NEDD4L: variants seen among roughly 807,000 people sequenced by gnomAD.
The protein encoded by NEDD4L is E3 ubiquitin-protein ligase NEDD4-like.
In NEDD4L, 54 loss-of-function variants were observed where a neutral mutation model predicts 148.9. The ratio of observed to expected loss-of-function variants is 0.36; its 90% CI spans 0.29 to 0.45. The LOEUF (loss-of-function observed/expected upper bound fraction) is 0.45, where lower values mean the gene tolerates loss of function less well. Ranked by LOEUF, NEDD4L falls within the 20% of genes least tolerant of loss-of-function variation. The probability of loss-of-function intolerance (pLI) is 1.00; values close to 1 mark genes in which losing one functional copy is unlikely to be tolerated. For missense variants in NEDD4L, 856 were observed against 1,233.8 expected (o/e 0.69, Z 4.59); for synonymous variants, 433 against 440.7 (o/e 0.98, Z 0.22).
intron 5 of NEDD4L, among the ~76,000 whole-genome samples, chr18:58,258,241 A>T (rs1384416839): frequency 6.6e-6 from 1 of 152,146 alleles, no homozygotes; most frequent in East Asian, 1.9e-4. Context: ...CAGTGTTTTG[A>T]TATTATAGTA....
chr18:58,245,437 G>C lies in NEDD4L; in HGVS notation c.133G>C (p.Val45Leu), dbSNP rs367741894. 6.5e-7 allele frequency: 1 copy of C among 1,540,718 alleles called. No homozygotes were observed. Among genetic ancestry groups the C allele is most frequent in the Non-Finnish European group, 8.9e-7 (1 of 1,124,212 alleles). Residue 45 changes from valine to leucine, a missense_variant, in exon 3 of 31, where the codon GTG (valine) becomes CTG (leucine). Physicochemically the swap from Val to Leu is conservative, Grantham distance 32. Transcript: ENST00000400345. The part of the protein sequence containing the change: ...KDIFGASDPY[V>L]KLSLYVADEN... Reference sequence around the variant, plus strand: ...AATATTTTCTTACAGTGATCCGTATGTGAAACTTTCATTGTACGTAGCGGA... The same window carrying C: ...AATATTTTCTTACAGTGATCCGTATCTGAAACTTTCATTGTACGTAGCGGA...
At chr18:58,395,678 C>G (rs2050401305) in intron 30 of NEDD4L, among the ~76,000 whole-genome samples, 1 of 152,164 alleles carries the variant, frequency 6.6e-6, no homozygotes, top group Non-Finnish European at 1.5e-5. Context: ...GAACCTTGCC[C>G]TATGTCTCTG....
intron 1 of NEDD4L, among the ~76,000 whole-genome samples, chr18:58,114,991 T>G (rs1175033425): frequency 5.3e-5 from 8 of 152,206 alleles, no homozygotes; most frequent in Non-Finnish European, 1.2e-4. Flanking sequence ...GTCTGCTGAT[T>G]AGCAACTTTA....
chr18:58,131,366 T>A (rs958127334), intron 1 of NEDD4L, among the ~76,000 whole-genome samples: 1 of 147,474 alleles, frequency 6.8e-6, no homozygotes, highest in Admixed American at 6.7e-5. Context: ...GTGGTGGTGT[T>A]GGGCTCTGTT....
intron 1 of NEDD4L, among the ~76,000 whole-genome samples, chr18:58,094,621 C>T (rs1219663838): frequency 6.6e-6 from 1 of 152,182 alleles, no homozygotes. Context: ...TGCTCAGCCC[C>T]GTGGACTGTG....
intron 1 of NEDD4L, among the ~76,000 whole-genome samples, chr18:58,126,434 C>G (rs933429719): frequency 6.6e-6 from 1 of 152,102 alleles, no homozygotes; most frequent in South Asian, 2.1e-4. Context: ...GTTTCCACGG[C>G]CCATCCCGTG....
chr18:58,395,220 G>A (rs745468679), intron 30 of NEDD4L, among the ~76,000 whole-genome samples: 2 of 152,168 alleles, frequency 1.3e-5, no homozygotes, highest in Non-Finnish European at 2.9e-5. Context: ...ATACACATCA[G>A]CAATCACCCC....
chr18:58,330,015 G>T (rs1034820107), intron 10 of NEDD4L, among the ~76,000 whole-genome samples: 1 of 152,116 alleles, frequency 6.6e-6, no homozygotes, highest in African/African-American at 2.4e-5. Flanking sequence ...AAATTTAGGT[G>T]AACAGAAATG....
intron 1 of NEDD4L, among the ~76,000 whole-genome samples, chr18:58,066,199 G>A (rs989683999): frequency 1.3e-5 from 2 of 152,016 alleles, no homozygotes; most frequent in African/African-American, 4.8e-5. Context: ...ACATGTTTTG[G>A]GTAAACCGTT....
intron 16 of NEDD4L, among the ~76,000 whole-genome samples, chr18:58,348,512 A>G (rs147795170): frequency 0.053 from 8,082 of 151,528 alleles, 734 homozygotes; most frequent in African/African-American, 0.19. Flanking sequence ...TATTTTTAGT[A>G]GGAACGGAGT....
intron 1 of NEDD4L, among the ~76,000 whole-genome samples, chr18:58,162,749 A>G (rs960698106): frequency 1.3e-5 from 2 of 151,938 alleles, no homozygotes; most frequent in African/African-American, 2.4e-5. Context: ...CAGGTTCTCT[A>G]TGCATTAAAA....
chr18:58,351,181 G>C (rs1471610171), intron 18 of NEDD4L, 136 bp downstream of exon 18: 25 of 1,505,036 alleles, frequency 1.7e-5, no homozygotes, highest in Non-Finnish European at 2.2e-5. Context: ...TGATACCAGA[G>C]AATCAGTGCC....
intron 1 of NEDD4L, among the ~76,000 whole-genome samples, chr18:58,115,182 T>C (rs2085722289): frequency 6.6e-6 from 1 of 152,134 alleles, no homozygotes; most frequent in African/African-American, 2.4e-5. Context: ...CCGACTCCTA[T>C]TGGTATTTGC....
At chr18:58,079,990 C>T (rs966388808) in intron 1 of NEDD4L, among the ~76,000 whole-genome samples, 3 of 152,140 alleles carry the variant, frequency 2.0e-5, no homozygotes, top group South Asian at 4.1e-4. Context: ...GGCAGTGGCA[C>T]GATCATGGCT....
chr18:58,159,606 G>A lies in NEDD4L; in HGVS notation c.49-6182G>A, dbSNP rs566126885. Among the ~76,000 whole-genome samples, 64 of 152,334 alleles carry A rather than the reference G, an allele frequency of 4.2e-4. 1 individual carries two copies. In the East Asian group the frequency reaches 0.011, roughly 27 times the overall value. ...ATCCTGTCTCAGGACTGGGGCAAGA[G>A]CAGGTAGAAATGGAAAGAGTGACTG... On this transcript the variant is annotated intron_variant, in intron 1 of 30. Coordinates refer to ENST00000400345, the MANE Select transcript of NEDD4L (RefSeq NM_001144967.3).
intron 1 of NEDD4L, among the ~76,000 whole-genome samples, chr18:58,146,904 G>GCGCTGGGC (rs2034153850): frequency 6.6e-6 from 1 of 152,158 alleles, no homozygotes; most frequent in South Asian, 2.1e-4. Context: ...AAATTACGTT[G>GCGCTGGGC]CTGGTGCTGA....
intron 8 of NEDD4L, 32 bp downstream of exon 8, chr18:58,323,366 C>A: frequency 9.2e-7 from 1 of 1,087,638 alleles, no homozygotes; most frequent in Non-Finnish European, 1.4e-6. Flanking sequence ...TCTCTCCTTG[C>A]CTTGAGATCA....
intron 2 of NEDD4L, among the ~76,000 whole-genome samples, chr18:58,172,003 G>T (rs73961511): frequency 0.018 from 2,733 of 152,304 alleles, 75 homozygotes; most frequent in African/African-American, 0.063. Context: ...CTCTCTTCTT[G>T]TGGTAGGTCC....
chr18:58,065,099 T>A (rs2082531907), intron 1 of NEDD4L, among the ~76,000 whole-genome samples: 1 of 152,250 alleles, frequency 6.6e-6, no homozygotes, highest in Admixed American at 6.5e-5. Flanking sequence ...ATATTGAGAT[T>A]GTTCATTAGA....
Sources: gnomAD v4.1 joint callset for allele counts (sites outside exome capture counted in the v4.1 genomes callset) on GRCh38, gnomAD v4.1.1 for gene constraint, MANE v1.5 for transcripts, NCBI Gene and HGNC (gene_info 2026-07-23, HGNC 2026-07-21) for gene names.